PTPRM: variants seen among roughly 807,000 people sequenced by gnomAD.
PTPRM encodes the protein receptor-type tyrosine-protein phosphatase mu.
Under a neutral mutation model 186.7 loss-of-function variants are expected in PTPRM, and 47 were observed. The ratio of observed to expected loss-of-function variants is 0.25; its 90% confidence interval spans 0.20 to 0.32. PTPRM has a LOEUF of 0.32. PTPRM is among the 10% of genes least tolerant of loss of function. PTPRM has a pLI of 1.00. For missense variants in PTPRM, 1,494 were observed against 1,865.0 expected, an observed-to-expected ratio of 0.80 and a Z score of 3.66; for synonymous variants, 668 against 674.9, an observed-to-expected ratio of 0.99 and a Z score of 0.16.
intron 13 of PTPRM, among the ~76,000 whole-genome samples, chr18:8,133,400 A>G (rs1197619502): frequency 1.3e-5 from 2 of 152,190 alleles, no homozygotes; most frequent in Non-Finnish European, 2.9e-5. Context: ...GATGAGTAAG[A>G]CTACTTTTGT....
At chr18:7,984,113 A>T (rs1414361142) in intron 7 of PTPRM, among the ~76,000 whole-genome samples, 2 of 152,184 alleles carry the variant, frequency 1.3e-5, no homozygotes, top group African/African-American at 4.8e-5. Context: ...AAGCAGCCTC[A>T]TGCTATGAAG....
intron 2 of PTPRM, among the ~76,000 whole-genome samples, chr18:7,791,101 A>G (rs963686316): frequency 2.0e-5 from 3 of 152,234 alleles, no homozygotes; most frequent in South Asian, 2.1e-4. Context: ...AATGAATTAC[A>G]TTCATGTAAG....
At chr18:7,634,616 A>ACTTGTATAG (rs2038269951) in intron 1 of PTPRM, among the ~76,000 whole-genome samples, 1 of 152,210 alleles carries the variant, frequency 6.6e-6, no homozygotes, top group East Asian at 1.9e-4. Context: ...ATTTGCTGCC[A>ACTTGTATAG]CTTGTATAGC....
At chr18:8,278,113 A>G (rs533329029) in intron 19 of PTPRM, among the ~76,000 whole-genome samples, 7 of 152,346 alleles carry the variant, frequency 4.6e-5, no homozygotes, top group Admixed American at 1.3e-4. Context: ...ATACCTACTC[A>G]TATGTCACCT....
intron 23 of PTPRM, among the ~76,000 whole-genome samples, chr18:8,354,234 C>T (rs1678855033): frequency 7.4e-6 from 1 of 135,716 alleles, no homozygotes; most frequent in Non-Finnish European, 1.6e-5. Flanking sequence ...AAGTATAATG[C>T]AAAGTGATAA....
At chr18:7,812,114 T>G (rs2044554546) in intron 2 of PTPRM, among the ~76,000 whole-genome samples, 1 of 150,648 alleles carries the variant, frequency 6.6e-6, no homozygotes, top group African/African-American at 2.5e-5. Flanking sequence ...TGATGCGTTA[T>G]TACCAACTTT....
rs73939360 is a variant in PTPRM, at chr18:7,749,634, G to A, written c.74-24515G>A. Among the ~76,000 whole-genome samples the A allele has an allele frequency of 5.5e-3, 836 of 152,242 alleles. 5 individuals are homozygous for A. Among genetic ancestry groups the A allele is most frequent in the Middle Eastern group, 0.017 (5 of 294 alleles). Reference sequence around the variant, plus strand: ...GGCCCCATTTGCTCCTGTCTGAGCCGATCAGTGTGAGGAGGTGGTGTATGG... The same window carrying A: ...GGCCCCATTTGCTCCTGTCTGAGCCAATCAGTGTGAGGAGGTGGTGTATGG... On this transcript the variant is annotated intron_variant, in intron 1 of 32. Coordinates refer to ENST00000580170, the MANE Select transcript of PTPRM (RefSeq NM_001105244.2).
At position 7,881,540 on chromosome 18, in the gene PTPRM, A is replaced by G. The variant is rs1476239269; in HGVS notation, c.197-6566A>G. Among the ~76,000 whole-genome samples, 3 of 152,226 alleles carry G rather than the reference A, an allele frequency of 2.0e-5. No homozygotes were observed. The East Asian group carries it at 5.8e-4, about 29-fold the overall frequency. On this transcript the variant is annotated intron_variant, in intron 2 of 32. Coordinates refer to ENST00000580170, the MANE Select transcript of PTPRM (RefSeq NM_001105244.2). ...AGCACTGCCTTTGCAGTTTGAAGGT[A>G]AAAACTTTGCATTCCCCTTGGCCCT...
chr18:8,360,051 C>T (rs2095587498), intron 23 of PTPRM, among the ~76,000 whole-genome samples: 1 of 152,168 alleles, frequency 6.6e-6, no homozygotes, highest in African/African-American at 2.4e-5. Flanking sequence ...ACCACTGGGG[C>T]CTCTCCCAGG....
At chr18:7,877,023 A>T (rs2048278293) in intron 2 of PTPRM, among the ~76,000 whole-genome samples, 1 of 152,166 alleles carries the variant, frequency 6.6e-6, no homozygotes, top group South Asian at 2.1e-4. Flanking sequence ...AGTGCTCAGC[A>T]CGTATTAAAT....
At chr18:7,985,043 A>T (rs1416892524) in intron 7 of PTPRM, among the ~76,000 whole-genome samples, 6 of 127,162 alleles carry the variant, frequency 4.7e-5, no homozygotes, top group African/African-American at 1.8e-4. Context: ...AAATATATAC[A>T]TATAATTATA....
intron 2 of PTPRM, among the ~76,000 whole-genome samples, chr18:7,836,521 A>T (rs568073551): frequency 6.6e-6 from 1 of 152,308 alleles, no homozygotes; most frequent in South Asian, 2.1e-4. Context: ...TCTACTAAAT[A>T]TAAGAGTAGT....
chr18:7,694,678 C>T (rs568555974), intron 1 of PTPRM, among the ~76,000 whole-genome samples: 13 of 152,154 alleles, frequency 8.5e-5, no homozygotes, highest in Admixed American at 2.6e-4. Flanking sequence ...CCACACACCT[C>T]GGCCTCCCAA....
chr18:8,063,255 AAAGGGAACTCCCTG>A (rs367669527), intron 7 of PTPRM, among the ~76,000 whole-genome samples: 3,440 of 149,868 alleles, frequency 0.023, 153 homozygotes, highest in African/African-American at 0.084. Context: ...TTTGACTCGG[AAAGGGAACTCCCTG>A]ACCCCTTGCG....
intron 1 of PTPRM, among the ~76,000 whole-genome samples, chr18:7,618,451 T>C (rs1007554152): frequency 6.6e-6 from 1 of 152,188 alleles, no homozygotes; most frequent in African/African-American, 2.4e-5. Context: ...CTATTTAGTA[T>C]AGTAATAAAA....
chr18:7,569,473 A>T (rs1349321562), intron 1 of PTPRM, among the ~76,000 whole-genome samples: 3 of 152,228 alleles, frequency 2.0e-5, no homozygotes, highest in East Asian at 1.9e-4. Context: ...CTGTGTTCTT[A>T]TTAGTGAATA....
intron 1 of PTPRM, among the ~76,000 whole-genome samples, chr18:7,670,806 G>A (rs2039201941): frequency 6.6e-6 from 1 of 152,086 alleles, no homozygotes; most frequent in Admixed American, 6.5e-5. Flanking sequence ...AATGAATTCT[G>A]CAGATAGTAT....
At chr18:8,088,187 C>T (rs2090529268) in intron 10 of PTPRM, among the ~76,000 whole-genome samples, 1 of 152,236 alleles carries the variant, frequency 6.6e-6, no homozygotes, top group South Asian at 2.1e-4. Flanking sequence ...TATTTCAGTT[C>T]CTATGTGTTT....
intron 1 of PTPRM, among the ~76,000 whole-genome samples, chr18:7,687,673 A>G (rs2039634543): frequency 6.6e-6 from 1 of 152,198 alleles, no homozygotes; most frequent in African/African-American, 2.4e-5. Flanking sequence ...CTTAATGGAC[A>G]GCAATACCGT....
Sources: allele counts gnomAD v4.1 joint callset (sites outside exome capture counted in the v4.1 genomes callset), GRCh38; gene constraint gnomAD v4.1.1; transcripts MANE v1.5; gene names NCBI Gene and HGNC (gene_info 2026-07-23, HGNC 2026-07-21).